NDUFB5: variants seen among roughly 807,000 people sequenced by gnomAD.
The protein encoded by NDUFB5 is NADH dehydrogenase [ubiquinone] 1 beta subcomplex subunit 5, mitochondrial.
NDUFB5 carries 19 observed loss-of-function variants against 19.4 expected under a neutral mutation model. The ratio of observed to expected loss-of-function variants is 0.98; its 90% CI spans 0.68 to 1.43. The LOEUF is 1.43. Ranked by LOEUF, NDUFB5 falls within the 40% of genes most tolerant of loss-of-function variation. NDUFB5 has a pLI of 0.00. For synonymous variants in NDUFB5, 80 were observed against 82.6 expected, an observed-to-expected ratio of 0.97 and a Z score of 0.17; for missense variants, 233 against 236.5, an observed-to-expected ratio of 0.99 and a Z score of 0.10.
In NDUFB5 at chr3:179,623,126, C is replaced by T. The variant is rs559851080; in HGVS notation, c.450-794C>T. Among the ~76,000 whole-genome samples the T allele has an allele frequency of 1.3e-4, 20 of 152,286 alleles. No homozygotes were observed. The South Asian group carries it at 3.7e-3, about 28-fold the overall frequency. On this transcript the variant is annotated intron_variant, in intron 5 of 5. Coordinates refer to ENST00000259037, the MANE Select transcript of NDUFB5 (RefSeq NM_002492.4). ...GTGAATAAAAAACCAGTTCTACTCT[C>T]GAAAAGTTTTCTGTCCTAATGGTGA...
At chr3:179,616,776 C>CA (rs1719389801) in intron 3 of NDUFB5, among the ~76,000 whole-genome samples, 1 of 152,108 alleles carries the variant, frequency 6.6e-6, no homozygotes, top group African/African-American at 2.4e-5. Flanking sequence ...TAATGCCTTA[C>CA]ACAGAGAGAT....
chr3:179,616,247 A>G (rs1017445757), intron 3 of NDUFB5, among the ~76,000 whole-genome samples, 198 bp downstream of exon 3: 2 of 152,212 alleles, frequency 1.3e-5, no homozygotes, highest in Non-Finnish European at 2.9e-5. Context: ...AGAACATATA[A>G]AACTATAATC....
At chr3:179,621,473 G>GTAACTAA (rs1719533026) in intron 5 of NDUFB5, among the ~76,000 whole-genome samples, 1 of 149,950 alleles carries the variant, frequency 6.7e-6, no homozygotes, top group Non-Finnish European at 1.5e-5. Context: ...ATCTGTAATA[G>GTAACTAA]TAACTAATAA....
At chr3:179,622,584 T>C (rs1719567232) in intron 5 of NDUFB5, among the ~76,000 whole-genome samples, 1 of 152,254 alleles carries the variant, frequency 6.6e-6, no homozygotes, top group African/African-American at 2.4e-5. Flanking sequence ...AGGTACATAG[T>C]AGTCCATTAT....
chr3:179,624,191 AGTTTGGCTTCCAGTCCCCAAAGAAG>A lies in NDUFB5; in HGVS notation c.*156_*180del, dbSNP rs149627280. 4.3e-3 allele frequency: 2,812 copies of A among 656,470 alleles called. 58 individuals are homozygous for A. In the African/African-American group the frequency reaches 0.048, roughly 11 times the overall value. 40.7% of individuals were successfully genotyped at this position (656,470 alleles called of 1,614,324 possible). On this transcript the variant is annotated 3_prime_UTR_variant, in exon 6 of 6. Coordinates refer to ENST00000259037, the MANE Select transcript of NDUFB5 (RefSeq NM_002492.4). The stretch of plus-strand genomic sequence containing the variant: ...TTCAGATTGAGGCTTTTGTTTGAGG[AGTTTGGCTTCCAGTCCCCAAAGAAG>A]GTTTAAAATGTACTAATAAAAACTG...
rs190982816 is a variant in NDUFB5 at position 179,624,153 on chromosome 3, C to A, written c.*113C>A. 3.0e-3 allele frequency: 2,968 copies of A among 988,740 alleles called. 5 individuals carry two copies. Among genetic ancestry groups the A allele is most frequent in the Non-Finnish European group, 3.9e-3 (2,736 of 698,104 alleles). The allele number at this position is 988,740 out of a possible 1,614,324, so 61.2% of individuals were successfully genotyped here. Reference sequence around the variant, plus strand: ...ACAAAAGAGCCTCTGACATTACTGTCTCTCAGTGTTGGTTCAGATTGAGGC... The same window carrying A: ...ACAAAAGAGCCTCTGACATTACTGTATCTCAGTGTTGGTTCAGATTGAGGC... On this transcript the variant is annotated 3_prime_UTR_variant, in exon 6 of 6. Transcript: ENST00000259037.
Position 179,609,229 on chromosome 3 carries a change from G to A in NDUFB5, c.124+4290G>A, listed in dbSNP as rs530692202. 1.6e-4 allele frequency among the ~76,000 whole-genome samples: 24 copies of A among 152,338 alleles called. 1 individual carries two copies. In the South Asian group the frequency reaches 3.9e-3, roughly 25 times the overall value. ...TTCAATTCTTATGGGTATATCTGCA[G>A]AAGTGTAATTGCTGGGTCATGTGTG... On this transcript the variant is annotated intron_variant, in intron 1 of 5. Coordinates refer to ENST00000259037, the MANE Select transcript of NDUFB5 (RefSeq NM_002492.4).
At chr3:179,618,550 A>G in intron 5 of NDUFB5, 29 bp downstream of exon 5, 1 of 1,470,234 alleles carries the variant, frequency 6.8e-7, no homozygotes, top group East Asian at 2.3e-5. Context: ...TAGGTGGGAA[A>G]GAAAATCTTC....
At chr3:179,616,920 G>C (rs1719393873) in intron 3 of NDUFB5, 63 bp from the exon 4 acceptor site, 3 of 1,286,686 alleles carry the variant, frequency 2.3e-6, no homozygotes, top group Admixed American at 1.9e-5. Flanking sequence ...TACTTTAATG[G>C]TGAATAATTA....
intron 5 of NDUFB5, among the ~76,000 whole-genome samples, chr3:179,620,525 C>T (rs1719508018): frequency 6.6e-6 from 1 of 152,176 alleles, no homozygotes; most frequent in African/African-American, 2.4e-5. Context: ...GGCATTATTT[C>T]TGAGGGCTCT....
chr3:179,613,848 G>A (rs533694288), intron 1 of NDUFB5, among the ~76,000 whole-genome samples: 92 of 152,088 alleles, frequency 6.0e-4, no homozygotes, highest in African/African-American at 2.2e-3. Flanking sequence ...TCACAATAAC[G>A]TACAGTAATT....
chr3:179,607,625 C>T lies in NDUFB5; in HGVS notation c.124+2686C>T, dbSNP rs541458454. 82 of 563,422 alleles carry T rather than the reference C, an allele frequency of 1.5e-4. 1 individual carries two copies. The South Asian group carries it at 1.8e-3, about 12-fold the overall frequency. The allele number at this position is 563,422 out of a possible 1,614,324, so 34.9% of individuals were successfully genotyped here. On this transcript the variant is annotated intron_variant, in intron 1 of 5. Coordinates refer to ENST00000259037, the MANE Select transcript of NDUFB5 (RefSeq NM_002492.4). ...CTATTTTAACCATTTTTAAGTGCACCGTTCAGTGGTATTAAATACATTCCT... is the reference window on the plus strand; with the variant it reads ...CTATTTTAACCATTTTTAAGTGCACTGTTCAGTGGTATTAAATACATTCCT...
At chr3:179,607,817 G>T (rs557367228) in intron 1 of NDUFB5, 1 of 702,524 alleles carries the variant, frequency 1.4e-6, no homozygotes, top group South Asian at 1.5e-5. Context: ...TCTCATGTAA[G>T]TAGAATCATA....
intron 5 of NDUFB5, among the ~76,000 whole-genome samples, chr3:179,619,955 T>G (rs1472395281): frequency 3.3e-5 from 5 of 152,226 alleles, no homozygotes; most frequent in Non-Finnish European, 7.3e-5. Flanking sequence ...GCCAGTGATA[T>G]GAATATTTTT....
rs1287770227 is a variant in NDUFB5 at position 179,626,428 on chromosome 3, G to A, written c.*2388G>A. On this transcript the variant is annotated 3_prime_UTR_variant, in exon 6 of 6. Transcript: ENST00000259037. Reference sequence around the variant, plus strand: ...TTTTTTGTATTTTTTGTAGCGACTGGGTTTCACCATGTTGCCCAGGCTGGT... The same window carrying A: ...TTTTTTGTATTTTTTGTAGCGACTGAGTTTCACCATGTTGCCCAGGCTGGT... 1 of 152,120 alleles carries A rather than the reference G, an allele frequency of 6.6e-6. No homozygotes were observed. Among genetic ancestry groups the A allele is most frequent in the Non-Finnish European group, 1.5e-5 (1 of 68,180 alleles). 9.4% of individuals were successfully genotyped at this position (152,120 alleles called of 1,614,324 possible).
chr3:179,606,020 C>T (rs1430645637), intron 1 of NDUFB5, among the ~76,000 whole-genome samples: 2 of 151,842 alleles, frequency 1.3e-5, no homozygotes, highest in Admixed American at 1.3e-4. Context: ...TCGAACTCCT[C>T]ACCTCAAATG....
At chr3:179,605,719 T>C (rs1436923131) in intron 1 of NDUFB5, among the ~76,000 whole-genome samples, 7 of 152,144 alleles carry the variant, frequency 4.6e-5, no homozygotes, top group African/African-American at 1.7e-4. Context: ...TCATAAAATA[T>C]TATTTTTAAT....
At chr3:179,612,622 G>A (rs1719275305) in intron 1 of NDUFB5, among the ~76,000 whole-genome samples, 1 of 151,300 alleles carries the variant, frequency 6.6e-6, no homozygotes, top group Non-Finnish European at 1.5e-5. Flanking sequence ...GACTACAGGC[G>A]CCTGCCACCA....
intron 1 of NDUFB5, chr3:179,607,663 C>T: frequency 3.0e-6 from 2 of 676,884 alleles, no homozygotes; most frequent in South Asian, 3.3e-5. Context: ...TGCTATGCAA[C>T]CATCACCATC....
Sources: allele counts gnomAD v4.1 joint callset (sites outside exome capture counted in the v4.1 genomes callset), GRCh38; gene constraint gnomAD v4.1.1; transcripts MANE v1.5; gene names NCBI Gene and HGNC (gene_info 2026-07-23, HGNC 2026-07-21).